Variants in SNTG1 observed in about 807,000 individuals in gnomAD.
SNTG1 encodes the protein syntrophin gamma 1, also known as gamma-1-syntrophin.
A neutral mutation model predicts 74.7 loss-of-function variants in SNTG1; 39 were observed. The ratio of observed to expected loss-of-function variants is 0.52; its 90% confidence interval spans 0.40 to 0.68. The LOEUF is 0.68. Among genes scored for constraint, SNTG1 ranks in the 30% least tolerant of loss-of-function variants. SNTG1 has a pLI of 0.00. For missense variants in SNTG1, 685 were observed against 609.5 expected, an observed-to-expected ratio of 1.12 and a Z score of -1.30; for synonymous variants, 254 against 217.1, an observed-to-expected ratio of 1.17 and a Z score of -1.49.
At chr8:50,611,948 G>C (rs2094853127) in intron 13 of SNTG1, among the ~76,000 whole-genome samples, 1 of 151,968 alleles carries the variant, frequency 6.6e-6, no homozygotes, top group South Asian at 2.1e-4. Context: ...TGTGGAGACT[G>C]GGTCTCCCCA....
At chr8:49,935,161 A>T (rs1585563831) in intron 1 of SNTG1, among the ~76,000 whole-genome samples, 1 of 150,580 alleles carries the variant, frequency 6.6e-6, no homozygotes, top group African/African-American at 2.4e-5. Context: ...GACTTGCTAA[A>T]TTTTAATCTT....
rs563677731 is a variant in SNTG1, at chr8:50,343,514, A to G, written c.-27-50698A>G. On this transcript the variant is annotated intron_variant, in intron 2 of 18. Coordinates refer to ENST00000642720, the MANE Select transcript of SNTG1 (RefSeq NM_018967.5). Reference sequence around the variant, plus strand: ...AAAAAAATTAAAAGATCACAAATACAAACAAAACAAAGCCAAGCAAATCAA... The same window carrying G: ...AAAAAAATTAAAAGATCACAAATACGAACAAAACAAAGCCAAGCAAATCAA... Among the ~76,000 whole-genome samples the G allele has an allele frequency of 3.5e-4, 54 of 152,336 alleles. No homozygotes were observed. In the Middle Eastern group the frequency reaches 0.01, roughly 29 times the overall value.
At chr8:49,938,597 C>CTTTTCTTTTTTTTTT (rs1554524893) in intron 1 of SNTG1, among the ~76,000 whole-genome samples, 1 of 32,512 alleles carries the variant, frequency 3.1e-5, no homozygotes, top group African/African-American at 1.2e-4. Flanking sequence ...CTTTTCTTTT[C>CTTTTCTTTTTTTTTT]TTTTCTTTTC....
chr8:50,661,615 T>C (rs759880226), intron 15 of SNTG1, among the ~76,000 whole-genome samples: 5 of 152,164 alleles, frequency 3.3e-5, no homozygotes, highest in Non-Finnish European at 7.3e-5. Flanking sequence ...ACATGTACCA[T>C]GGTGGTTTGC....
chr8:50,346,332 C>G (rs2091476069), intron 2 of SNTG1, among the ~76,000 whole-genome samples: 1 of 152,122 alleles, frequency 6.6e-6, no homozygotes, highest in Non-Finnish European at 1.5e-5. Context: ...TTTGATGTTA[C>G]TGGTGGGATT....
chr8:50,418,948 GA>G (rs1314741963), intron 4 of SNTG1, among the ~76,000 whole-genome samples: 1 of 152,076 alleles, frequency 6.6e-6, no homozygotes, highest in African/African-American at 2.4e-5. Context: ...GGAAAGTAGG[GA>G]TAGAACTGTT....
chr8:50,288,712 G>C (rs571474761), intron 2 of SNTG1, among the ~76,000 whole-genome samples: 1 of 152,198 alleles, frequency 6.6e-6, no homozygotes, highest in South Asian at 2.1e-4. Flanking sequence ...AAAAAGGATA[G>C]GATAAACAGA....
At chr8:50,760,671 A>C (rs1457654413) in intron 18 of SNTG1, among the ~76,000 whole-genome samples, 1 of 151,708 alleles carries the variant, frequency 6.6e-6, no homozygotes, top group Non-Finnish European at 1.5e-5. Context: ...AATAGACACA[A>C]AAAAAATGAT....
At chr8:49,968,252 C>G (rs946349672) in intron 1 of SNTG1, among the ~76,000 whole-genome samples, 5 of 152,128 alleles carry the variant, frequency 3.3e-5, no homozygotes, top group African/African-American at 9.7e-5. Context: ...AATGTGCCCC[C>G]AAAGTCTCCA....
intron 2 of SNTG1, among the ~76,000 whole-genome samples, chr8:50,252,142 T>A (rs1212179153): frequency 6.6e-6 from 1 of 152,092 alleles, no homozygotes; most frequent in Non-Finnish European, 1.5e-5. Context: ...AGGAGAAATT[T>A]AAAAATTTCT....
chr8:50,023,073 C>A (rs1225511449), intron 1 of SNTG1, among the ~76,000 whole-genome samples: 1 of 152,222 alleles, frequency 6.6e-6, no homozygotes, highest in East Asian at 1.9e-4. Flanking sequence ...ATCCGGTCCC[C>A]AAGGGGAGAT....
At chr8:50,285,446 A>C (rs1223046208) in intron 2 of SNTG1, among the ~76,000 whole-genome samples, 2 of 152,228 alleles carry the variant, frequency 1.3e-5, no homozygotes, top group African/African-American at 4.8e-5. Context: ...ACACGGTCTT[A>C]AGAAATAAAA....
In SNTG1 at chr8:49,911,560, A is replaced by G. The variant is rs1189456990; in HGVS notation, c.-774A>G. 1 of 131,646 alleles carries G rather than the reference A, an allele frequency of 7.6e-6. No homozygotes were observed. Among genetic ancestry groups the G allele is most frequent in the Non-Finnish European group, 1.7e-5 (1 of 59,914 alleles). The allele number at this position is 131,646 out of a possible 1,614,324, so 8.2% of individuals were successfully genotyped here. A position where few individuals can be genotyped will look rare whatever the true frequency, so the allele number is the denominator to read the frequency against. ...AAACAATTAGCCCCTACAAAAAAAA[A>G]AAAGAAAGAAAAAAGAAAAAAAAAA... On this transcript the variant is annotated 5_prime_UTR_variant, in exon 1 of 19. Coordinates refer to ENST00000642720, the MANE Select transcript of SNTG1 (RefSeq NM_018967.5).
In SNTG1 at chr8:50,381,729, C is replaced by T. The variant is rs192399410; in HGVS notation, c.-27-12483C>T. 2.2e-4 allele frequency among the ~76,000 whole-genome samples: 26 copies of T among 118,318 alleles called. No homozygotes were observed. The East Asian group carries it at 3.3e-3, about 15-fold the overall frequency. The allele number at this position is 118,318 out of a possible 152,430, so 77.6% of individuals were successfully genotyped here. On this transcript the variant is annotated intron_variant, in intron 2 of 18. Transcript: ENST00000642720. ...TATATATATATAGGATATATATATCCTATTAGTTATATATATATAGGATAT... is the reference window on the plus strand; with the variant it reads ...TATATATATATAGGATATATATATCTTATTAGTTATATATATATAGGATAT...
At chr8:50,275,958 A>G (rs1447221124) in intron 2 of SNTG1, among the ~76,000 whole-genome samples, 1 of 152,158 alleles carries the variant, frequency 6.6e-6, no homozygotes, top group African/African-American at 2.4e-5. Context: ...CAGTGCTGAA[A>G]TCAGAAGTCC....
At chr8:50,350,885 G>T (rs2091638442) in intron 2 of SNTG1, among the ~76,000 whole-genome samples, 2 of 152,196 alleles carry the variant, frequency 1.3e-5, no homozygotes, top group Non-Finnish European at 2.9e-5. Context: ...GGTGGGGCCA[G>T]ATAAGAGAAT....
chr8:50,686,143 A>G (rs962960269), intron 15 of SNTG1, among the ~76,000 whole-genome samples: 1 of 152,202 alleles, frequency 6.6e-6, no homozygotes, highest in Non-Finnish European at 1.5e-5. Context: ...TAAGTGATAT[A>G]CATCAATCAA....
At chr8:50,727,863 A>C (rs2095503912) in intron 17 of SNTG1, among the ~76,000 whole-genome samples, 1 of 152,214 alleles carries the variant, frequency 6.6e-6, no homozygotes, top group Non-Finnish European at 1.5e-5. Context: ...TTGCATGCCA[A>C]ATAAGTTCTT....
chr8:49,979,715 G>A (rs1254543830), intron 1 of SNTG1, among the ~76,000 whole-genome samples: 2 of 152,204 alleles, frequency 1.3e-5, no homozygotes, highest in Non-Finnish European at 2.9e-5. Flanking sequence ...GGCCAGTTTG[G>A]CTTCTCCCTG....
Sources: gnomAD v4.1 joint callset for allele counts (sites outside exome capture counted in the v4.1 genomes callset) on GRCh38, gnomAD v4.1.1 for gene constraint, MANE v1.5 for transcripts, NCBI Gene and HGNC (gene_info 2026-07-23, HGNC 2026-07-21) for gene names.